The following IGSF21 variants were observed in gnomAD, a reference collection of about 807,000 sequenced individuals.
IGSF21 encodes the protein immunoglobulin superfamily member 21.
Under a neutral mutation model 46.8 loss-of-function variants are expected in IGSF21, and 28 were observed. The ratio of observed to expected loss-of-function variants is 0.60; its 90% CI spans 0.44 to 0.82. The LOEUF (loss-of-function observed/expected upper bound fraction) is 0.82, where lower values mean the gene tolerates loss of function less well. Among genes scored for constraint, IGSF21 ranks in the 40% least tolerant of loss-of-function variants. The pLI, the probability that IGSF21 is intolerant of heterozygous loss-of-function variation, is 0.00. For missense variants in IGSF21, 624 were observed against 665.5 expected (o/e 0.94, Z 0.69); for synonymous variants, 284 against 273.6 (o/e 1.04, Z -0.38).
intron 3 of IGSF21, among the ~76,000 whole-genome samples, chr1:18,298,007 T>C (rs2124571980): frequency 6.6e-6 from 1 of 152,052 alleles, no homozygotes; most frequent in East Asian, 1.9e-4. Context: ...CACAGATCTG[T>C]AGTATAAGAA....
rs533677930 is a variant in IGSF21 at position 18,319,886 on chromosome 1, A to G, written c.306-15006A>G. Among the ~76,000 whole-genome samples the G allele has an allele frequency of 2.6e-5, 4 of 152,294 alleles. No individual in the cohort carries two copies. The South Asian group carries it at 8.3e-4, about 32-fold the overall frequency. ...CGACCTGCTATATTTTTCAAAGGTT[A>G]CTTTGTTTACCGTCTGTGTCCCTCA... On this transcript the variant is annotated intron_variant, in intron 3 of 9. Transcript: ENST00000251296.
intron 3 of IGSF21, among the ~76,000 whole-genome samples, chr1:18,316,140 G>T (rs376937173): frequency 6.6e-6 from 1 of 152,172 alleles, no homozygotes; most frequent in African/African-American, 2.4e-5. Context: ...GGCCAACTGA[G>T]GTCCTTGGCC....
At chr1:18,274,944 T>G (rs1326697904) in intron 2 of IGSF21, among the ~76,000 whole-genome samples, 1 of 152,162 alleles carries the variant, frequency 6.6e-6, no homozygotes, top group African/African-American at 2.4e-5. Flanking sequence ...AGAGAATCGC[T>G]TGAGCCTGGG....
At chr1:18,324,248 G>T (rs1000932344) in intron 3 of IGSF21, among the ~76,000 whole-genome samples, 4 of 152,170 alleles carry the variant, frequency 2.6e-5, no homozygotes, top group Admixed American at 6.5e-5. Flanking sequence ...GGGAGAAGTT[G>T]GACCCAAATT....
chr1:18,229,632 G>A (rs948352018), intron 2 of IGSF21, among the ~76,000 whole-genome samples: 22 of 152,198 alleles, frequency 1.4e-4, no homozygotes, highest in African/African-American at 4.3e-4. Flanking sequence ...GGCTTCACAG[G>A]TGTGAACCTG....
At chr1:18,351,263 C>T (rs944643072) in intron 4 of IGSF21, among the ~76,000 whole-genome samples, 1 of 151,684 alleles carries the variant, frequency 6.6e-6, no homozygotes, top group African/African-American at 2.4e-5. Flanking sequence ...CTTCATTCCC[C>T]ACCCTCGCAT....
At chr1:18,190,638 C>T (rs1380587480) in intron 1 of IGSF21, among the ~76,000 whole-genome samples, 1 of 152,186 alleles carries the variant, frequency 6.6e-6, no homozygotes, top group African/African-American at 2.4e-5. Context: ...TGAGTGGTTC[C>T]TCCTCAGACT....
At chr1:18,232,022 A>G (rs1482663642) in intron 2 of IGSF21, among the ~76,000 whole-genome samples, 4 of 151,684 alleles carry the variant, frequency 2.6e-5, no homozygotes, top group Non-Finnish European at 4.4e-5. Flanking sequence ...TTGAAAACAT[A>G]AAGATGTCAA....
intron 2 of IGSF21, among the ~76,000 whole-genome samples, chr1:18,291,486 TC>T (rs1315453658): frequency 1.3e-5 from 2 of 152,156 alleles, no homozygotes; most frequent in African/African-American, 2.4e-5. Flanking sequence ...GAAGCTGAGC[TC>T]CTTTGCTGTG....
At chr1:18,152,255 A>G (rs2124434958) in intron 1 of IGSF21, among the ~76,000 whole-genome samples, 1 of 152,314 alleles carries the variant, frequency 6.6e-6, no homozygotes, top group South Asian at 2.1e-4. Context: ...AGAAAGGGTG[A>G]TGTCCAAGGA....
At chr1:18,255,161 C>T (rs1157715486) in intron 2 of IGSF21, among the ~76,000 whole-genome samples, 1 of 152,204 alleles carries the variant, frequency 6.6e-6, no homozygotes, top group Non-Finnish European at 1.5e-5. Flanking sequence ...AGTGTCCCAG[C>T]ACCTGGATTA....
chr1:18,129,890 G>A (rs923447420), intron 1 of IGSF21, among the ~76,000 whole-genome samples: 5 of 152,128 alleles, frequency 3.3e-5, no homozygotes, highest in Admixed American at 1.3e-4. Flanking sequence ...GCCCTTCCGC[G>A]CGCCTTCCAA....
chr1:18,371,459 C>T (rs903596275), intron 6 of IGSF21, among the ~76,000 whole-genome samples: 5 of 151,866 alleles, frequency 3.3e-5, no homozygotes, highest in Admixed American at 2.6e-4. Context: ...GTAGGCCCAA[C>T]TACTTGGGAG....
chr1:18,373,866 C>T (rs2086253166), intron 6 of IGSF21, among the ~76,000 whole-genome samples: 1 of 152,184 alleles, frequency 6.6e-6, no homozygotes, highest in South Asian at 2.1e-4. Context: ...GTGTGACTGT[C>T]CTAAAATGCC....
chr1:18,203,369 C>T (rs1033253760), intron 1 of IGSF21, among the ~76,000 whole-genome samples: 3 of 152,104 alleles, frequency 2.0e-5, no homozygotes, highest in African/African-American at 4.8e-5. Context: ...AGTGCAGTGG[C>T]GCGATCTTGG....
rs530502325 is a variant in IGSF21 at position 18,323,181 on chromosome 1, A to T, written c.306-11711A>T. 5.3e-5 allele frequency among the ~76,000 whole-genome samples: 8 copies of T among 152,272 alleles called. No individual in the cohort carries two copies. The South Asian group carries it at 1.4e-3, about 28-fold the overall frequency. ...CAGAGGTGCTTTCTCACATTGGAAA[A>T]AGGTTCCTACCAGTTTGCCCACTGG... On this transcript the variant is annotated intron_variant, in intron 3 of 9. Coordinates refer to ENST00000251296, the MANE Select transcript of IGSF21 (RefSeq NM_032880.5).
intron 1 of IGSF21, among the ~76,000 whole-genome samples, chr1:18,137,667 A>G (rs116541484): frequency 0.011 from 1,643 of 151,990 alleles, 11 homozygotes; most frequent in Non-Finnish European, 0.016. Flanking sequence ...AAAGTTCATA[A>G]CTCTAATATA....
In IGSF21 at chr1:18,377,452, T is replaced by A. The variant is rs755413704; in HGVS notation, c.1333+21T>A. ...TAATGGTAAGTCTCTACCCTCAGGA[T>A]TTTTTGCTTAAAAGGGAGTGGCTTT... On this transcript the variant is annotated intron_variant, in intron 9 of 9. Transcript: ENST00000251296. 1.9e-5 allele frequency: 30 copies of A among 1,608,334 alleles called. No homozygotes were observed. In the Admixed American group the frequency reaches 5.0e-4, roughly 27 times the overall value.
intron 2 of IGSF21, among the ~76,000 whole-genome samples, chr1:18,247,684 A>G (rs1420523632): frequency 1.3e-5 from 2 of 152,170 alleles, no homozygotes; most frequent in African/African-American, 4.8e-5. Context: ...ATCAATACCA[A>G]TAACAAGCTA....
Sources: allele counts gnomAD v4.1 joint callset (sites outside exome capture counted in the v4.1 genomes callset), GRCh38; gene constraint gnomAD v4.1.1; transcripts MANE v1.5; gene names NCBI Gene and HGNC (gene_info 2026-07-23, HGNC 2026-07-21).